CDON: variants seen among roughly 807,000 people sequenced by gnomAD.
The protein encoded by CDON is cell adhesion molecule-related/down-regulated by oncogenes.
CDON carries 73 observed loss-of-function variants against 120.9 expected under a neutral mutation model. The ratio of observed to expected loss-of-function variants is 0.60; its 90% CI spans 0.50 to 0.73. The LOEUF (loss-of-function observed/expected upper bound fraction) is 0.73, where lower values mean the gene tolerates loss of function less well. CDON is among the 30% of genes least tolerant of loss of function. CDON has a pLI of 0.00. For synonymous variants in CDON, 566 were observed against 573.5 expected (o/e 0.99, Z 0.19); for missense variants, 1,470 against 1,587.3 (o/e 0.93, Z 1.26).
intron 1 of CDON, among the ~76,000 whole-genome samples, chr11:126,059,028 GAAAC>G (rs1162776722): frequency 6.7e-6 from 1 of 149,768 alleles, no homozygotes; most frequent in Non-Finnish European, 1.5e-5. Flanking sequence ...TAATGTAACA[GAAAC>G]AATCAAATTC....
chr11:126,040,086 C>T (rs1948214170), intron 1 of CDON, among the ~76,000 whole-genome samples: 1 of 152,050 alleles, frequency 6.6e-6, no homozygotes, highest in Admixed American at 6.6e-5. Context: ...TCACTATACT[C>T]AAATAAATAA....
intron 1 of CDON, among the ~76,000 whole-genome samples, chr11:126,050,233 A>G (rs911508324): frequency 6.6e-6 from 1 of 151,522 alleles, no homozygotes; most frequent in African/African-American, 2.4e-5. Context: ...AAAAACAAAA[A>G]AAAAGCACCC....
At position 126,044,992 on chromosome 11, in the gene CDON, C is replaced by T. The variant is rs568510561; in HGVS notation, c.-62+17587G>A. The stretch of plus-strand genomic sequence containing the variant: ...CAAAACATTACATGTACTACATAAA[C>T]ACATACAACTATTAGGTACCTATAA... On this transcript the variant is annotated intron_variant, in intron 1 of 19. Coordinates refer to ENST00000531738, the MANE Select transcript of CDON (RefSeq NM_001378964.1). Among the ~76,000 whole-genome samples, 3 of 152,152 alleles carry T rather than the reference C, an allele frequency of 2.0e-5. No individual in the cohort carries two copies. The East Asian group carries it at 5.8e-4, about 29-fold the overall frequency.
At position 125,994,642 on chromosome 11, in the gene CDON, C is replaced by T. The variant is rs2298477; in HGVS notation, c.2544+229G>A. On this transcript the variant is annotated intron_variant, in intron 13 of 19. Transcript: ENST00000531738. ...TTTGGTTCAAAATGAATCATGATGGCAATTAAGTTAACAACATTTGGATAA... is the reference window on the plus strand; with the variant it reads ...TTTGGTTCAAAATGAATCATGATGGTAATTAAGTTAACAACATTTGGATAA... 0.046 allele frequency among the ~76,000 whole-genome samples: 6,959 copies of T among 152,234 alleles called. 253 individuals are homozygous for T. The highest frequency in any genetic ancestry group is 0.12 in the Admixed American group (1,768 of 15,288).
At position 125,977,399 on chromosome 11, in the gene CDON, C is replaced by T. The variant is rs1001944354; in HGVS notation, c.3356+905G>A. Reference sequence around the variant, plus strand: ...TCTTCAAGTTCTGGTTTCAATAACTCCCAGAGACAACTCTTAACCTGTTAA... The same window carrying T: ...TCTTCAAGTTCTGGTTTCAATAACTTCCAGAGACAACTCTTAACCTGTTAA... On this transcript the variant is annotated intron_variant, in intron 18 of 19. Transcript: ENST00000531738. Among the ~76,000 whole-genome samples the T allele has an allele frequency of 4.9e-4, 74 of 152,104 alleles. 2 individuals are homozygous for T. Among genetic ancestry groups the T allele is most frequent in the African/African-American group, 1.7e-3 (70 of 41,414 alleles).
At chr11:126,003,829 A>T (rs1947031603) in intron 10 of CDON, 73 bp downstream of exon 10, 1 of 1,408,978 alleles carries the variant, frequency 7.1e-7, no homozygotes, top group African/African-American at 1.4e-5. Context: ...CAAAAAAAAT[A>T]AATTAATAAT....
intron 8 of CDON, among the ~76,000 whole-genome samples, chr11:126,010,077 A>G (rs1357844352): frequency 1.3e-5 from 2 of 152,182 alleles, no homozygotes; most frequent in Non-Finnish European, 2.9e-5. Context: ...CATCTCAAAG[A>G]CAGGTTATAT....
At chr11:125,970,267 C>T (rs1258924014) in intron 18 of CDON, among the ~76,000 whole-genome samples, 4 of 151,178 alleles carry the variant, frequency 2.6e-5, no homozygotes, top group South Asian at 2.1e-4. Context: ...CTCTGCCTCC[C>T]GGATTCAAGC....
intron 18 of CDON, among the ~76,000 whole-genome samples, chr11:125,972,575 C>T (rs939952872): frequency 1.3e-5 from 2 of 152,168 alleles, no homozygotes; most frequent in African/African-American, 4.8e-5. Context: ...CTCCCCTCAC[C>T]TGCTCTCAAC....
At chr11:125,994,166 A>G (rs1002512584) in intron 14 of CDON, 118 bp downstream of exon 14, 10 of 711,856 alleles carry the variant, frequency 1.4e-5, no homozygotes, top group African/African-American at 5.2e-5. Context: ...TTCAACAGCA[A>G]TAACACATAC....
At chr11:126,044,146 C>T (rs373187091) in intron 1 of CDON, among the ~76,000 whole-genome samples, 12 of 152,274 alleles carry the variant, frequency 7.9e-5, no homozygotes, top group East Asian at 7.7e-4. Context: ...ACATAGGAAA[C>T]GACCTTACAC....
Position 125,971,938 on chromosome 11 carries a change from A to C in CDON, c.3356+6366T>G, listed in dbSNP as rs569547139. On this transcript the variant is annotated intron_variant, in intron 18 of 19. Coordinates refer to ENST00000531738, the MANE Select transcript of CDON (RefSeq NM_001378964.1). ...CCAGAACTGCATTACTGCCTTTTGAATTCAGGAGAAGAGAAGAGAAGGGTA... is the reference window on the plus strand; with the variant it reads ...CCAGAACTGCATTACTGCCTTTTGACTTCAGGAGAAGAGAAGAGAAGGGTA... Among the ~76,000 whole-genome samples, 3 of 152,334 alleles carry C rather than the reference A, an allele frequency of 2.0e-5. No homozygotes were observed. In the South Asian group the frequency reaches 6.2e-4, roughly 32 times the overall value.
rs1203351055 is a variant in CDON, at chr11:126,010,692, C to T, written c.1201G>A (p.Gly401Ser). 1.1e-5 allele frequency: 17 copies of T among 1,612,750 alleles called. No individual in the cohort carries two copies. In the Admixed American group the frequency reaches 1.7e-4, roughly 16 times the overall value. ...GTAATTATAACTGGCTTGAATCCACCGTCTATTAAAAAAGTAATTCACATA... is the reference window on the plus strand; with the variant it reads ...GTAATTATAACTGGCTTGAATCCACTGTCTATTAAAAAAGTAATTCACATA... ...STGRLEIEND[G>S]GFKPVIITAP... Residue 401 changes from glycine to serine, a missense_variant and splice_region_variant, in exon 8 of 20, where the codon GGT becomes AGT. Physicochemically the swap from Gly to Ser is moderately conservative, Grantham distance 56 (BLOSUM62 0). Coordinates refer to ENST00000531738, the MANE Select transcript of CDON (RefSeq NM_001378964.1).
intron 18 of CDON, 95 bp downstream of exon 18, chr11:125,978,209 G>A: frequency 1.3e-6 from 1 of 767,764 alleles, no homozygotes; most frequent in East Asian, 2.7e-5. Context: ...TTATATCCTA[G>A]GTAAAATTCC....
At chr11:126,019,865 T>G in intron 3 of CDON, 100 bp from the exon 4 acceptor site, 1 of 1,066,276 alleles carries the variant, frequency 9.4e-7, no homozygotes, top group Non-Finnish European at 1.4e-6. Flanking sequence ...CAGCACGGCC[T>G]TTTGTGGCAG....
At chr11:126,018,755 G>T (rs568199394) in intron 4 of CDON, among the ~76,000 whole-genome samples, 39 of 152,258 alleles carry the variant, frequency 2.6e-4, no homozygotes, top group African/African-American at 8.9e-4. Flanking sequence ...TTTTTGTAGA[G>T]ATGGGGGTCT....
chr11:125,964,057 T>C (rs1286859052), intron 18 of CDON, among the ~76,000 whole-genome samples: 2 of 152,174 alleles, frequency 1.3e-5, no homozygotes, highest in African/African-American at 4.8e-5. Flanking sequence ...GAAACCCACT[T>C]AAAAATGTCC....
At chr11:126,060,019 CCCTT>C (rs1330983384) in intron 1 of CDON, among the ~76,000 whole-genome samples, 1 of 151,912 alleles carries the variant, frequency 6.6e-6, no homozygotes, top group Non-Finnish European at 1.5e-5. Context: ...CATACACCAT[CCCTT>C]CTTTTTAACA....
At chr11:125,969,089 C>T (rs1945885760) in intron 18 of CDON, among the ~76,000 whole-genome samples, 1 of 152,222 alleles carries the variant, frequency 6.6e-6, no homozygotes, top group Non-Finnish European at 1.5e-5. Flanking sequence ...ACCTCCGCCT[C>T]CCAGGTTCAA....
Sources: gnomAD v4.1 joint callset for allele counts (sites outside exome capture counted in the v4.1 genomes callset) on GRCh38, gnomAD v4.1.1 for gene constraint, MANE v1.5 for transcripts, NCBI Gene and HGNC (gene_info 2026-07-23, HGNC 2026-07-21) for gene names.